The following STXBP5L variants were observed in gnomAD, a reference collection of about 807,000 sequenced individuals.
STXBP5L encodes syntaxin binding protein 5L.
In STXBP5L, 65 loss-of-function variants were observed where a neutral mutation model predicts 144.5. The observed-to-expected ratio is 0.45, with a 90% CI of 0.37 to 0.55. The LOEUF (loss-of-function observed/expected upper bound fraction) is 0.55. Ranked by LOEUF, STXBP5L falls within the 20% of genes least tolerant of loss-of-function variation. The pLI, the probability that STXBP5L is intolerant of heterozygous loss-of-function variation, is 0.00. For missense variants in STXBP5L, 1,298 were observed against 1,405.5 expected (o/e 0.92, Z 1.22); for synonymous variants, 505 against 469.6 (o/e 1.08, Z -0.97).
At chr3:121,390,712 C>T (rs1231177498) in intron 22 of STXBP5L, among the ~76,000 whole-genome samples, 1 of 152,118 alleles carries the variant, frequency 6.6e-6, no homozygotes, top group East Asian at 1.9e-4. Context: ...AATATTGGCC[C>T]CCACTCTCTT....
Position 121,424,214 on chromosome 3 carries a change from G to A in STXBP5L, c.*5117G>A, listed in dbSNP as rs1407828612. ...TGGACTTGGTCTTAGCAAAAAGGAA[G>A]AACAAATCTTCCTTTTTGATTGTTA... On this transcript the variant is annotated 3_prime_UTR_variant, in exon 27 of 27. Coordinates refer to ENST00000471454, the MANE Select transcript of STXBP5L (RefSeq NM_001308330.2). 1.3e-5 allele frequency: 2 copies of A among 152,090 alleles called. No homozygotes were observed. The highest frequency in any genetic ancestry group is 2.4e-5 in the African/African-American group (1 of 41,422). 9.4% of individuals were successfully genotyped at this position (152,090 alleles called of 1,614,324 possible).
chr3:121,251,563 A>G (rs1263901959), intron 15 of STXBP5L, among the ~76,000 whole-genome samples: 1 of 152,180 alleles, frequency 6.6e-6, no homozygotes, highest in Non-Finnish European at 1.5e-5. Context: ...AAGATGAGTA[A>G]CCAGGAAGAT....
At chr3:120,986,483 C>G (rs1942297339) in intron 3 of STXBP5L, among the ~76,000 whole-genome samples, 1 of 151,900 alleles carries the variant, frequency 6.6e-6, no homozygotes, top group Non-Finnish European at 1.5e-5. Context: ...CAACTACTAT[C>G]ATAGAACTGT....
intron 22 of STXBP5L, among the ~76,000 whole-genome samples, chr3:121,388,913 T>C (rs2046499797): frequency 6.6e-6 from 1 of 152,220 alleles, no homozygotes; most frequent in Admixed American, 6.5e-5. Context: ...ATAAAATGAA[T>C]TTGGGAGGAT....
chr3:120,983,366 C>T (rs1193500326), intron 3 of STXBP5L, among the ~76,000 whole-genome samples: 1 of 152,110 alleles, frequency 6.6e-6, no homozygotes. Flanking sequence ...GCTCAGTTTG[C>T]TCACTTCTCT....
At chr3:121,157,735 G>C (rs2046171967) in intron 9 of STXBP5L, 108 bp downstream of exon 9, 2 of 1,430,864 alleles carry the variant, frequency 1.4e-6, no homozygotes, top group African/African-American at 3.0e-5. Flanking sequence ...ATAGGACATA[G>C]CTTCTGGTTC....
intron 22 of STXBP5L, among the ~76,000 whole-genome samples, chr3:121,398,306 T>A (rs955765157): frequency 6.6e-6 from 1 of 152,244 alleles, no homozygotes. Context: ...TTGGGACCTT[T>A]TGTGGGGGTT....
chr3:121,050,907 A>G (rs1011772989), intron 5 of STXBP5L, among the ~76,000 whole-genome samples: 16 of 152,170 alleles, frequency 1.1e-4, no homozygotes, highest in African/African-American at 3.6e-4. Flanking sequence ...AAGCAAATGG[A>G]AAACAAAAAA....
chr3:121,179,656 G>A (rs556219519), intron 9 of STXBP5L, among the ~76,000 whole-genome samples: 6 of 152,182 alleles, frequency 3.9e-5, no homozygotes, highest in Middle Eastern at 3.4e-3. Flanking sequence ...CCAGAGAAAG[G>A]TGAAAACGAA....
chr3:121,071,010 T>C (rs1242720385), intron 5 of STXBP5L, among the ~76,000 whole-genome samples: 2 of 152,186 alleles, frequency 1.3e-5, no homozygotes, highest in Non-Finnish European at 2.9e-5. Context: ...AGACACAAGT[T>C]CCTGTATGAG....
chr3:121,250,476 ATATAACCTTT>A (rs1264192116), intron 14 of STXBP5L, among the ~76,000 whole-genome samples: 15 of 152,166 alleles, frequency 9.9e-5, no homozygotes, highest in African/African-American at 2.9e-4. Flanking sequence ...TCCATTACAT[ATATAACCTTT>A]TTACAGTAAA....
chr3:121,399,243 C>G (rs550365313), intron 22 of STXBP5L, among the ~76,000 whole-genome samples: 5 of 152,248 alleles, frequency 3.3e-5, no homozygotes, highest in African/African-American at 1.2e-4. Flanking sequence ...TCTGAGCTCC[C>G]CTTCTTACTC....
At chr3:120,937,560 GTCTC>G (rs1358459683) in intron 2 of STXBP5L, among the ~76,000 whole-genome samples, 1 of 152,160 alleles carries the variant, frequency 6.6e-6, no homozygotes. Context: ...CTGCCTGTCT[GTCTC>G]TCTGTTTTTG....
intron 14 of STXBP5L, among the ~76,000 whole-genome samples, chr3:121,245,151 G>A (rs1434037377): frequency 1.7e-4 from 26 of 151,970 alleles, no homozygotes; most frequent in Admixed American, 1.7e-3. Flanking sequence ...ATAAAAATAT[G>A]TAATTTGTGA....
intron 3 of STXBP5L, among the ~76,000 whole-genome samples, chr3:120,962,820 T>G (rs1354443632): frequency 6.6e-6 from 1 of 152,214 alleles, no homozygotes; most frequent in Non-Finnish European, 1.5e-5. Context: ...AGAAAGTCAT[T>G]GGTAGCTTGA....
At chr3:121,033,136 G>A (rs1348904839) in intron 3 of STXBP5L, among the ~76,000 whole-genome samples, 5 of 123,334 alleles carry the variant, frequency 4.1e-5, no homozygotes, top group East Asian at 2.4e-4. Flanking sequence ...TGTTTATTGC[G>A]GCATTATTCA....
chr3:121,128,052 A>G (rs1237524995), intron 7 of STXBP5L, among the ~76,000 whole-genome samples: 1 of 152,120 alleles, frequency 6.6e-6, no homozygotes, highest in East Asian at 1.9e-4. Flanking sequence ...TAAATAAACT[A>G]TATTTGAAAG....
chr3:121,380,497 C>T (rs1257190354), intron 21 of STXBP5L, among the ~76,000 whole-genome samples: 1 of 152,062 alleles, frequency 6.6e-6, no homozygotes, highest in African/African-American at 2.4e-5. Flanking sequence ...AAGAGCAGGA[C>T]AACCTTGATA....
chr3:120,910,678 T>C (rs1443042791), intron 2 of STXBP5L, among the ~76,000 whole-genome samples: 1 of 152,138 alleles, frequency 6.6e-6, no homozygotes, highest in Non-Finnish European at 1.5e-5. Flanking sequence ...AAAAATACTT[T>C]CACAAAAGAA....
Sources: gnomAD v4.1 joint callset for allele counts (sites outside exome capture counted in the v4.1 genomes callset) on GRCh38, gnomAD v4.1.1 for gene constraint, MANE v1.5 for transcripts, NCBI Gene and HGNC (gene_info 2026-07-23, HGNC 2026-07-21) for gene names.